The following ABCA1 variants were observed in gnomAD, a reference collection of about 807,000 sequenced individuals.
The protein encoded by ABCA1 is phospholipid-transporting ATPase ABCA1.
In ABCA1, 133 loss-of-function variants were observed where a neutral mutation model predicts 262.5. The observed-to-expected ratio is 0.51, with a 90% CI of 0.44 to 0.59. The LOEUF is 0.59. Among genes scored for constraint, ABCA1 ranks in the 20% least tolerant of loss-of-function variants. ABCA1 has a pLI of 0.00. For synonymous variants in ABCA1, 1,022 were observed against 1,043.5 expected, an observed-to-expected ratio of 0.98 and a Z score of 0.40; for missense variants, 2,452 against 2,777.5, an observed-to-expected ratio of 0.88 and a Z score of 2.63.
chr9:104,876,227 T>C (rs1439242319), intron 5 of ABCA1, among the ~76,000 whole-genome samples: 2 of 152,082 alleles, frequency 1.3e-5, no homozygotes, highest in Non-Finnish European at 2.9e-5. Context: ...GCATAAGCAA[T>C]GGCAAGGCTG....
chr9:104,826,975 G>A lies in ABCA1; in HGVS notation c.2310C>T (p.Tyr770=), dbSNP rs1224347266. The part of the protein sequence containing the change: ...PYVLCVAWQD[Y]VGFTLKIFAS... ...CGAAGATCTTGAGTGTGAAGCCCAC[G>A]TAGTCCTGCCATGCCACACACAGGA... is the stretch of plus-strand genomic sequence containing the variant. The change falls in exon 16 of 50, where the codon TAC becomes TAT. Residue 770 remains tyrosine, a synonymous_variant. Transcript: ENST00000374736. The A allele has an allele frequency of 8.1e-6, 13 of 1,614,104 alleles. No homozygotes were observed. Among genetic ancestry groups the A allele is most frequent in the South Asian group, 4.4e-5 (4 of 91,082 alleles).
At chr9:104,815,119 T>C (rs1196980547) in intron 25 of ABCA1, among the ~76,000 whole-genome samples, 1 of 152,138 alleles carries the variant, frequency 6.6e-6, no homozygotes, top group Non-Finnish European at 1.5e-5. Flanking sequence ...AATCTTTGAG[T>C]AGGCTAGTAC....
chr9:104,861,450 C>T lies in ABCA1; in HGVS notation c.543+229G>A. On this transcript the variant is annotated intron_variant, in intron 6 of 49. Transcript: ENST00000374736. The stretch of plus-strand genomic sequence containing the variant: ...AAATGCCAAGTGATAAGCCAGAAAT[C>T]AATTTTATTTTAACCAGCTGGCCCA... 4.9e-6 allele frequency: 3 copies of T among 609,394 alleles called. No homozygotes were observed. In the South Asian group the frequency reaches 5.9e-5, roughly 12 times the overall value. 37.7% of individuals were successfully genotyped at this position (609,394 alleles called of 1,614,324 possible).
chr9:104,833,482 G>C (rs1241676533), intron 11 of ABCA1, among the ~76,000 whole-genome samples: 1 of 152,158 alleles, frequency 6.6e-6, no homozygotes, highest in Admixed American at 6.5e-5. Flanking sequence ...AGCCCAGTGA[G>C]TATCCTTTAA....
intron 5 of ABCA1, among the ~76,000 whole-genome samples, chr9:104,879,844 G>A (rs927803377): frequency 2.0e-5 from 3 of 152,270 alleles, no homozygotes; most frequent in Middle Eastern, 3.4e-3. Flanking sequence ...TAAACTTCAA[G>A]AAGCACACAG....
In ABCA1 at chr9:104,820,620, G is replaced by A. The variant is rs189204865; in HGVS notation, c.2961-551C>T. ...CAGGTCTCTCTCTGCTCCATCACAC[G>A]GGCTCCCTGGGGGCCTTATGGCTGA... is the stretch of plus-strand genomic sequence containing the variant. On this transcript the variant is annotated intron_variant, in intron 20 of 49. Coordinates refer to ENST00000374736, the MANE Select transcript of ABCA1 (RefSeq NM_005502.4). Among the ~76,000 whole-genome samples the A allele has an allele frequency of 2.0e-3, 299 of 152,288 alleles. 2 individuals carry two copies. The highest frequency in any genetic ancestry group is 6.9e-3 in the African/African-American group (286 of 41,548).
chr9:104,843,864 G>C (rs184892191), intron 8 of ABCA1, among the ~76,000 whole-genome samples: 147 of 152,266 alleles, frequency 9.7e-4, no homozygotes, highest in Non-Finnish European at 1.2e-3. Context: ...GGATCTGGAG[G>C]TGTTCTATTG....
intron 5 of ABCA1, among the ~76,000 whole-genome samples, chr9:104,870,969 G>C (rs1177570542): frequency 6.6e-6 from 1 of 151,984 alleles, no homozygotes; most frequent in Non-Finnish European, 1.5e-5. Context: ...ATGGTGGAAC[G>C]TCATCAGTTA....
At chr9:104,863,858 A>G (rs1836840034) in intron 5 of ABCA1, among the ~76,000 whole-genome samples, 1 of 152,108 alleles carries the variant, frequency 6.6e-6, no homozygotes. Context: ...TAGGCTCTCT[A>G]CTGCAGTTGT....
chr9:104,901,488 A>C (rs1840665651), intron 2 of ABCA1, among the ~76,000 whole-genome samples: 1 of 152,184 alleles, frequency 6.6e-6, no homozygotes, highest in East Asian at 1.9e-4. Flanking sequence ...GGCGGAGACA[A>C]TTTCCCAGCA....
At position 104,861,742 on chromosome 9, in the gene ABCA1, G is replaced by C. The variant is rs1588434600; in HGVS notation, c.480C>G (p.His160Gln). The C allele has an allele frequency of 1.9e-6, 3 of 1,613,534 alleles. No homozygotes were observed. The highest frequency in any genetic ancestry group is 2.5e-6 in the Non-Finnish European group (3 of 1,179,810). ...DNETFSGFLY[H>Q]NLSLPKSTVD... Reference sequence around the variant, plus strand: ...CAGTAGACTTTGGGAGAGAGAGGTTGTGATACAGGAACCCAGAGAAGGTTT... The same window carrying C: ...CAGTAGACTTTGGGAGAGAGAGGTTCTGATACAGGAACCCAGAGAAGGTTT... Residue 160 changes from histidine (H) to glutamine (Q), a missense_variant, in exon 6 of 50, where the codon CAC becomes CAG. His to Gln is a conservative substitution (Grantham distance 24). This residue lies in a region of ABCA1 where 1,032 missense variants were observed against 1,089.7 expected (regional missense o/e 0.95). Coordinates refer to ENST00000374736, the MANE Select transcript of ABCA1 (RefSeq NM_005502.4).
intron 2 of ABCA1, among the ~76,000 whole-genome samples, chr9:104,895,269 C>A (rs1159924121): frequency 3.9e-5 from 6 of 152,210 alleles, no homozygotes; most frequent in African/African-American, 2.4e-5. Context: ...CACCACTTTG[C>A]ACTTCCCATC....
At chr9:104,884,141 G>C (rs930456235) in intron 4 of ABCA1, among the ~76,000 whole-genome samples, 5 of 152,172 alleles carry the variant, frequency 3.3e-5, no homozygotes, top group African/African-American at 9.7e-5. Flanking sequence ...ATGCACGTCT[G>C]CTGCATGATA....
intron 2 of ABCA1, among the ~76,000 whole-genome samples, chr9:104,892,275 C>A (rs1308598410): frequency 3.9e-5 from 6 of 151,976 alleles, no homozygotes; most frequent in Admixed American, 3.9e-4. Context: ...TTGGGAATGA[C>A]ATTCAGCCTT....
intron 29 of ABCA1, 28 bp from the exon 30 acceptor site, chr9:104,809,592 T>A (rs376448386): frequency 6.3e-7 from 1 of 1,575,632 alleles, no homozygotes; most frequent in African/African-American, 1.3e-5. Context: ...GCAGCCAGCT[T>A]AGTAATTCAT....
At chr9:104,905,020 A>C (rs1841001155) in intron 1 of ABCA1, among the ~76,000 whole-genome samples, 1 of 152,146 alleles carries the variant, frequency 6.6e-6, no homozygotes. Flanking sequence ...AGTTATATTA[A>C]AGTTAAAGCT....
chr9:104,799,955 T>C lies in ABCA1; in HGVS notation c.4807A>G (p.Ser1603Gly), dbSNP rs1371157712. The change falls in exon 36 of 50, where the codon AGC becomes GGC. Residue 1603 changes from serine to glycine, a missense_variant. Ser to Gly is a moderately conservative substitution (Grantham distance 56). Transcript: ENST00000374736. Reference sequence around the variant, plus strand: ...TTGTTGATGACATTCAGGAAAGAGCTGATTGCATGCCAGCCCTTGTTATTG... The same window carrying C: ...TTGTTGATGACATTCAGGAAAGAGCCGATTGCATGCCAGCCCTTGTTATTG... ...WFNNKGWHAISSFLNVINNAI... is the reference protein window; with the variant it reads ...WFNNKGWHAIGSFLNVINNAI... 1 of 1,614,148 alleles carries C rather than the reference T, an allele frequency of 6.2e-7. No individual in the cohort carries two copies. The highest frequency in any genetic ancestry group is 8.5e-7 in the Non-Finnish European group (1 of 1,180,036).
chr9:104,802,249 T>C (rs1174501836), intron 33 of ABCA1, 90 bp from the exon 34 acceptor site: 1 of 1,193,504 alleles, frequency 8.4e-7, no homozygotes, highest in African/African-American at 1.5e-5. Flanking sequence ...CAAGGTTCAC[T>C]GAGTCAAATT....
At chr9:104,796,458 CT>C in intron 37 of ABCA1, 34 bp from the exon 38 acceptor site, 1 of 1,544,606 alleles carries the variant, frequency 6.5e-7, no homozygotes, top group Non-Finnish European at 8.9e-7. Flanking sequence ...CAGTTCACCC[CT>C]AAATCAAATA....
Sources: allele counts gnomAD v4.1 joint callset (sites outside exome capture counted in the v4.1 genomes callset), GRCh38; gene constraint gnomAD v4.1.1; regional missense constraint gnomAD v4.1.1; transcripts MANE v1.5; gene names NCBI Gene and HGNC (gene_info 2026-07-23, HGNC 2026-07-21).